Variants in VAV3 observed in about 807,000 individuals in gnomAD.
The protein encoded by VAV3 is vav guanine nucleotide exchange factor 3, also known as guanine nucleotide exchange factor VAV3.
Under a neutral mutation model 131.2 loss-of-function variants are expected in VAV3, and 94 were observed. The ratio of observed to expected loss-of-function variants is 0.72; its 90% CI spans 0.61 to 0.85. The LOEUF (loss-of-function observed/expected upper bound fraction) is 0.85, where lower values mean the gene tolerates loss of function less well. Among genes scored for constraint, VAV3 ranks in the 40% least tolerant of loss-of-function variants. The pLI, the probability that VAV3 is intolerant of heterozygous loss-of-function variation, is 0.00. For synonymous variants in VAV3, 349 were observed against 342.0 expected, an observed-to-expected ratio of 1.02 and a Z score of -0.22; for missense variants, 939 against 1,002.7, an observed-to-expected ratio of 0.94 and a Z score of 0.86.
chr1:107,732,905 C>A (rs1662345806), intron 15 of VAV3, among the ~76,000 whole-genome samples: 1 of 152,310 alleles, frequency 6.6e-6, no homozygotes, highest in Admixed American at 6.5e-5. Flanking sequence ...GACAGACTGC[C>A]TCCTCAAGTG....
chr1:107,639,469 G>A (rs569041318), intron 20 of VAV3, among the ~76,000 whole-genome samples: 208 of 152,046 alleles, frequency 1.4e-3, no homozygotes, highest in African/African-American at 4.5e-3. Flanking sequence ...AGCTCTCAAA[G>A]CCAAATAATA....
intron 19 of VAV3, among the ~76,000 whole-genome samples, chr1:107,660,626 G>T (rs550160939): frequency 1.2e-4 from 18 of 152,276 alleles, no homozygotes; most frequent in African/African-American, 4.1e-4. Flanking sequence ...GAGATAATTT[G>T]TTGGTATTTC....
intron 20 of VAV3, among the ~76,000 whole-genome samples, chr1:107,627,164 T>C (rs2101338329): frequency 6.6e-6 from 1 of 152,296 alleles, no homozygotes; most frequent in African/African-American, 2.4e-5. Context: ...AGATCACTTA[T>C]GTTCTCAGTC....
intron 1 of VAV3, among the ~76,000 whole-genome samples, chr1:107,915,993 G>A (rs1672600925): frequency 6.6e-6 from 1 of 152,066 alleles, no homozygotes; most frequent in Non-Finnish European, 1.5e-5. Context: ...AGAGCAATGA[G>A]GGGAGCATTT....
chr1:107,600,792 C>T (rs1291350379), intron 24 of VAV3, among the ~76,000 whole-genome samples: 1 of 152,198 alleles, frequency 6.6e-6, no homozygotes, highest in African/African-American at 2.4e-5. Context: ...GAGCTGAACC[C>T]AGGTGACACA....
chr1:107,853,674 T>C (rs140484571), intron 2 of VAV3, among the ~76,000 whole-genome samples: 191 of 151,218 alleles, frequency 1.3e-3, no homozygotes, highest in African/African-American at 4.5e-3. Context: ...AGAAAGACCA[T>C]CACAGAAAGA....
intron 1 of VAV3, among the ~76,000 whole-genome samples, chr1:107,898,634 GTAATATGTTTTATTACACT>G (rs1181899978): frequency 6.6e-6 from 1 of 152,146 alleles, no homozygotes; most frequent in Non-Finnish European, 1.5e-5. Context: ...TACTGTTACT[GTAATATGTTTTATTACACT>G]TAATGACACA....
intron 17 of VAV3, among the ~76,000 whole-genome samples, chr1:107,701,158 C>G (rs1474061946): frequency 1.3e-5 from 2 of 151,538 alleles, no homozygotes; most frequent in Non-Finnish European, 2.9e-5. Flanking sequence ...TTGTTTGTTT[C>G]TTTCTTGTAA....
At chr1:107,744,840 T>C (rs1261669399) in intron 15 of VAV3, among the ~76,000 whole-genome samples, 25 of 152,178 alleles carry the variant, frequency 1.6e-4, no homozygotes. Context: ...AGCACCCTTA[T>C]GGATAAAGAA....
chr1:107,684,122 T>C (rs1381427560), intron 18 of VAV3, among the ~76,000 whole-genome samples: 1 of 152,230 alleles, frequency 6.6e-6, no homozygotes, highest in Non-Finnish European at 1.5e-5. Context: ...ATTCTTATTA[T>C]AGAAAATGAA....
chr1:107,941,595 G>T (rs754560870), intron 1 of VAV3, among the ~76,000 whole-genome samples: 3 of 152,158 alleles, frequency 2.0e-5, no homozygotes, highest in Non-Finnish European at 4.4e-5. Context: ...CAGGTCCTCA[G>T]TACTTCTGTT....
intron 2 of VAV3, among the ~76,000 whole-genome samples, chr1:107,860,764 C>T (rs1669701032): frequency 1.3e-5 from 2 of 151,696 alleles, no homozygotes; most frequent in Admixed American, 6.6e-5. Flanking sequence ...AGCACAGTGG[C>T]GTGCACTTGC....
At chr1:107,727,344 G>T (rs536174288) in intron 15 of VAV3, among the ~76,000 whole-genome samples, 2 of 152,238 alleles carry the variant, frequency 1.3e-5, no homozygotes, top group South Asian at 2.1e-4. Context: ...TGATGAATAT[G>T]ATCTCCACAA....
intron 1 of VAV3, among the ~76,000 whole-genome samples, chr1:107,885,676 G>C (rs1364258132): frequency 6.6e-6 from 1 of 152,038 alleles, no homozygotes; most frequent in Non-Finnish European, 1.5e-5. Flanking sequence ...ACCTGATACA[G>C]GTAAGTACTG....
At chr1:107,814,922 A>C (rs1414008920) in intron 2 of VAV3, among the ~76,000 whole-genome samples, 5 of 152,186 alleles carry the variant, frequency 3.3e-5, no homozygotes, top group African/African-American at 1.2e-4. Flanking sequence ...ATAGAGAGGA[A>C]GTGGTATACC....
At chr1:107,642,297 A>G (rs1342208212) in intron 20 of VAV3, among the ~76,000 whole-genome samples, 1 of 152,144 alleles carries the variant, frequency 6.6e-6, no homozygotes, top group African/African-American at 2.4e-5. Flanking sequence ...GGTCGTCCTC[A>G]CTACTACATT....
chr1:107,633,715 A>C (rs140515141), intron 20 of VAV3, among the ~76,000 whole-genome samples: 5 of 152,294 alleles, frequency 3.3e-5, no homozygotes, highest in African/African-American at 4.8e-5. Flanking sequence ...AAGAAGGTCC[A>C]GCAGTTTCCA....
chr1:107,924,392 C>CA (rs78674521), intron 1 of VAV3, among the ~76,000 whole-genome samples: 8,184 of 95,806 alleles, frequency 0.085, 221 homozygotes, highest in South Asian at 0.2. Context: ...GATATTATGA[C>CA]AAAAAAAAAA....
intron 19 of VAV3, among the ~76,000 whole-genome samples, chr1:107,650,476 A>C (rs1415760240): frequency 3.3e-5 from 5 of 151,898 alleles, no homozygotes; most frequent in Non-Finnish European, 5.9e-5. Context: ...CCAAATACAT[A>C]TGTTGACACG....
Sources: gnomAD v4.1 joint callset for allele counts (sites outside exome capture counted in the v4.1 genomes callset) on GRCh38, gnomAD v4.1.1 for gene constraint, MANE v1.5 for transcripts, NCBI Gene and HGNC (gene_info 2026-07-23, HGNC 2026-07-21) for gene names.